The following ZC3H14 variants were observed in gnomAD, a reference collection of about 807,000 sequenced individuals.
The protein encoded by ZC3H14 is zinc finger CCCH domain-containing protein 14.
In ZC3H14, 31 loss-of-function variants were observed where a neutral mutation model predicts 92.4. That is an observed-to-expected ratio of 0.34 (90% confidence interval 0.25 to 0.45). ZC3H14 has a LOEUF of 0.45. Ranked by LOEUF, ZC3H14 falls within the 20% of genes least tolerant of loss-of-function variation. The pLI is 1.00. For synonymous variants in ZC3H14, 321 were observed against 300.9 expected (o/e 1.07, Z -0.69); for missense variants, 781 against 897.3 (o/e 0.87, Z 1.66).
At position 88,624,784 on chromosome 14, in the gene ZC3H14, G is replaced by A. The variant is rs1025386604; in HGVS notation, c.*13033G>A. 1.1e-5 allele frequency: 7 copies of A among 655,068 alleles called. No homozygotes were observed. Among genetic ancestry groups the A allele is most frequent in the African/African-American group, 3.7e-5 (2 of 54,240 alleles). 40.6% of individuals were successfully genotyped at this position (655,068 alleles called of 1,614,324 possible). A position where few individuals can be genotyped will look rare whatever the true frequency, so the allele number is the denominator to read the frequency against. On this transcript the variant is annotated 3_prime_UTR_variant, in exon 17 of 17. Coordinates refer to ENST00000251038, the MANE Select transcript of ZC3H14 (RefSeq NM_024824.5). The stretch of plus-strand genomic sequence containing the variant: ...TATCACCCCAACATGAAAAAAATTG[G>A]AAGTGAATTAAGACCAGAAATGAGA...
At chr14:88,581,396 T>TA (rs1334684860) in intron 9 of ZC3H14, among the ~76,000 whole-genome samples, 2 of 151,918 alleles carry the variant, frequency 1.3e-5, no homozygotes, top group Non-Finnish European at 2.9e-5. Context: ...CCATCTCTAC[T>TA]AAAAATACAA....
chr14:88,566,921 A>C (rs1266818330), intron 2 of ZC3H14, among the ~76,000 whole-genome samples: 1 of 151,182 alleles, frequency 6.6e-6, no homozygotes, highest in African/African-American at 2.4e-5. Context: ...CTCTGTCGTA[A>C]AAGAAAAAAA....
At chr14:88,579,179 G>T (rs2081572141) in intron 9 of ZC3H14, among the ~76,000 whole-genome samples, 1 of 152,024 alleles carries the variant, frequency 6.6e-6, no homozygotes, top group African/African-American at 2.4e-5. Context: ...CCTTTAAATT[G>T]TTCCAGGTTT....
In ZC3H14 at chr14:88,617,382, G is replaced by C. The variant is rs944362878; in HGVS notation, c.*5631G>C. On this transcript the variant is annotated 3_prime_UTR_variant, in exon 17 of 17. Coordinates refer to ENST00000251038, the MANE Select transcript of ZC3H14 (RefSeq NM_024824.5). ...GGCTAGTCTCGAACTCCCGACCTCA[G>C]GTGATCACCCCCGCTCGGCCTCCCA... is the stretch of plus-strand genomic sequence containing the variant. 1 of 152,740 alleles carries C rather than the reference G, an allele frequency of 6.5e-6. No individual in the cohort carries two copies. Among genetic ancestry groups the C allele is most frequent in the Non-Finnish European group, 1.5e-5 (1 of 68,552 alleles). The allele number at this position is 152,740 out of a possible 1,614,324, so 9.5% of individuals were successfully genotyped here.
intron 6 of ZC3H14, among the ~76,000 whole-genome samples, chr14:88,573,379 C>T (rs1595537487): frequency 6.6e-6 from 1 of 151,788 alleles, no homozygotes; most frequent in Middle Eastern, 3.4e-3. Context: ...GACTCCGTCT[C>T]AACCAAAAAA....
In ZC3H14 at chr14:88,620,914, T is replaced by C. The variant is rs1375838844; in HGVS notation, c.*9163T>C. 2 of 1,507,322 alleles carry C rather than the reference T, an allele frequency of 1.3e-6. No homozygotes were observed. Among genetic ancestry groups the C allele is most frequent in the Non-Finnish European group, 8.8e-7 (1 of 1,135,606 alleles). The allele number at this position is 1,507,322 out of a possible 1,614,324, so 93.4% of individuals were successfully genotyped here. The stretch of plus-strand genomic sequence containing the variant: ...CGAGCAGCATGTCCCAAATTCACTT[T>C]GTTTAACATCTTCTGCATTTAAAAA... On this transcript the variant is annotated 3_prime_UTR_variant, in exon 17 of 17. Transcript: ENST00000251038. This position sits in a 1 kb window ranked among gnomAD's most constrained non-coding sequence, Gnocchi z 4.3.
intron 10 of ZC3H14, among the ~76,000 whole-genome samples, chr14:88,598,194 T>C (rs1388742400): frequency 6.6e-6 from 1 of 152,076 alleles, no homozygotes; most frequent in Non-Finnish European, 1.5e-5. Flanking sequence ...AGGTCACTGG[T>C]ATTCTGGGTT....
In ZC3H14 at chr14:88,626,638, T is replaced by TC. The variant is rs2140408076; in HGVS notation, c.*14892dup. 1.6e-6 allele frequency: 1 copy of TC among 612,836 alleles called. No individual in the cohort carries two copies. The highest frequency in any genetic ancestry group is 2.2e-5 in the South Asian group (1 of 46,358). The allele number at this position is 612,836 out of a possible 1,614,324, so 38.0% of individuals were successfully genotyped here. A position where few individuals can be genotyped will look rare whatever the true frequency, so the allele number is the denominator to read the frequency against. ...TGTCAAAAAAAAAAAAAAATCCTTT[T>TC]CCCCCTCTCATTAACATTCTTTTCA... On this transcript the variant is annotated 3_prime_UTR_variant, in exon 17 of 17. Coordinates refer to ENST00000251038, the MANE Select transcript of ZC3H14 (RefSeq NM_024824.5).
At chr14:88,580,148 G>A (rs1019829392) in intron 9 of ZC3H14, among the ~76,000 whole-genome samples, 21 of 151,632 alleles carry the variant, frequency 1.4e-4, no homozygotes, top group African/African-American at 4.6e-4. Flanking sequence ...GATTGCTGGA[G>A]CCCAGGAGGC....
rs1267637438 is a variant in ZC3H14 at position 88,617,701 on chromosome 14, A to T, written c.*5950A>T. 2 of 152,342 alleles carry T rather than the reference A, an allele frequency of 1.3e-5. No homozygotes were observed. The highest frequency in any genetic ancestry group is 2.9e-5 in the Non-Finnish European group (2 of 68,156). The allele number at this position is 152,342 out of a possible 1,614,324, so 9.4% of individuals were successfully genotyped here. On this transcript the variant is annotated 3_prime_UTR_variant, in exon 17 of 17. Transcript: ENST00000251038. ...GGCTGGTATCAAAACTTCTAGGCTCAAGTGATCCTCCCACCTCGGCCTGCT... is the reference window on the plus strand; with the variant it reads ...GGCTGGTATCAAAACTTCTAGGCTCTAGTGATCCTCCCACCTCGGCCTGCT...
intron 9 of ZC3H14, chr14:88,594,427 T>C (rs910923235): frequency 8.4e-7 from 1 of 1,189,060 alleles, no homozygotes; most frequent in South Asian, 2.1e-5. Flanking sequence ...GCTATACAGA[T>C]GGTACTTAGA....
chr14:88,566,029 C>CT (rs2079548453), intron 2 of ZC3H14, among the ~76,000 whole-genome samples: 2 of 16,510 alleles, frequency 1.2e-4, no homozygotes, highest in Non-Finnish European at 8.1e-4. Context: ...CACCACCCCG[C>CT]CCCCCCCCCC....
At chr14:88,582,834 G>A (rs1299295010) in intron 9 of ZC3H14, among the ~76,000 whole-genome samples, 2 of 152,204 alleles carry the variant, frequency 1.3e-5, no homozygotes, top group Admixed American at 6.5e-5. Flanking sequence ...ACTGTTGTAC[G>A]GTATAATCTG....
At chr14:88,602,652 C>T (rs1340689850) in intron 11 of ZC3H14, among the ~76,000 whole-genome samples, 176 bp from the exon 12 acceptor site, 1 of 152,120 alleles carries the variant, frequency 6.6e-6, no homozygotes, top group Admixed American at 6.5e-5. Context: ...TGTTCATGGC[C>T]ATCGTGTGTT....
rs1484765334 is a variant in ZC3H14, at chr14:88,625,092, A to G, written c.*13341A>G. 21 of 1,614,016 alleles carry G rather than the reference A, an allele frequency of 1.3e-5. No individual in the cohort carries two copies. The highest frequency in any genetic ancestry group is 1.8e-5 in the Non-Finnish European group (21 of 1,179,874). On this transcript the variant is annotated 3_prime_UTR_variant, in exon 17 of 17. Transcript: ENST00000251038. The stretch of plus-strand genomic sequence containing the variant: ...ATATGTGATCTTTCCACACACAGAC[A>G]TCACCACTGATGGTACCTGTAAACG...
rs892419898 is a variant in ZC3H14 at position 88,614,037 on chromosome 14, C to A, written c.*2286C>A. 4.6e-5 allele frequency: 7 copies of A among 152,182 alleles called. No homozygotes were observed. The highest frequency in any genetic ancestry group is 1.0e-4 in the Non-Finnish European group (7 of 68,020). The allele number at this position is 152,182 out of a possible 1,614,324, so 9.4% of individuals were successfully genotyped here. A position where few individuals can be genotyped will look rare whatever the true frequency, so the allele number is the denominator to read the frequency against. ...GAAATGCAGTGGAAACAGTTTTATT[C>A]TATGTAGTTTACATGCTTAAGGTTA... On this transcript the variant is annotated 3_prime_UTR_variant, in exon 17 of 17. Transcript: ENST00000251038.
In ZC3H14 at chr14:88,621,087, CTT is replaced by C. The variant is rs1480703305; in HGVS notation, c.*9339_*9340del. 2 of 1,597,084 alleles carry C rather than the reference CTT, an allele frequency of 1.3e-6. No homozygotes were observed. The highest frequency in any genetic ancestry group is 1.3e-5 in the African/African-American group (1 of 74,116). ...CTTTTCTTTTTAGAAGTTGTAACCT[CTT>C]TTAAAAAAATTATCTGTACTTACTT... On this transcript the variant is annotated 3_prime_UTR_variant, in exon 17 of 17. Transcript: ENST00000251038.
At chr14:88,583,652 C>T (rs755351643) in intron 9 of ZC3H14, among the ~76,000 whole-genome samples, 1 of 152,092 alleles carries the variant, frequency 6.6e-6, no homozygotes, top group African/African-American at 2.4e-5. Context: ...ATTATAGACA[C>T]CTGACTTAAT....
chr14:88,581,324 C>A (rs1386899142), intron 9 of ZC3H14, among the ~76,000 whole-genome samples: 1 of 151,990 alleles, frequency 6.6e-6, no homozygotes, highest in Non-Finnish European at 1.5e-5. Context: ...TTTGGGAAGC[C>A]GAGGTGGGCA....
Sources: gnomAD v4.1 joint callset for allele counts (sites outside exome capture counted in the v4.1 genomes callset) on GRCh38, gnomAD v4.1.1 for gene constraint, Gnocchi (gnomAD v3.1) non-coding constraint, MANE v1.5 for transcripts, NCBI Gene and HGNC (gene_info 2026-07-23, HGNC 2026-07-21) for gene names.